Variants in UTRN observed in about 807,000 individuals in gnomAD.
UTRN encodes the protein utrophin.
A neutral mutation model predicts 463.9 loss-of-function variants in UTRN; 283 were observed. The ratio of observed to expected loss-of-function variants is 0.61; its 90% CI spans 0.55 to 0.67. The LOEUF is 0.67. UTRN is among the 30% of genes least tolerant of loss of function. The pLI is 0.00. For missense variants in UTRN, 3,922 were observed against 4,084.3 expected, an observed-to-expected ratio of 0.96 and a Z score of 1.08; for synonymous variants, 1,442 against 1,431.5, an observed-to-expected ratio of 1.01 and a Z score of -0.17.
rs530429407 is a variant in UTRN at position 144,812,237 on chromosome 6, G to A, written c.9358-8645G>A. Among the ~76,000 whole-genome samples, 22 of 152,266 alleles carry A rather than the reference G, an allele frequency of 1.4e-4. No homozygotes were observed. In the South Asian group the frequency reaches 4.3e-3, roughly 30 times the overall value. On this transcript the variant is annotated intron_variant, in intron 65 of 74. Coordinates refer to ENST00000367545, the MANE Select transcript of UTRN (RefSeq NM_007124.3). ...TTTACGGGATTTAGGTTATTTGGTA[G>A]CATTGTAAATAGCTTCCTTTCATGT... is the stretch of plus-strand genomic sequence containing the variant.
chr6:144,722,498 C>CT (rs919685055), intron 53 of UTRN, among the ~76,000 whole-genome samples: 17 of 152,056 alleles, frequency 1.1e-4, no homozygotes, highest in African/African-American at 3.9e-4. Flanking sequence ...AATTTTTGCT[C>CT]TTTTCATCAA....
chr6:144,734,698 C>T (rs1414015811), intron 54 of UTRN, among the ~76,000 whole-genome samples: 1 of 152,182 alleles, frequency 6.6e-6, no homozygotes, highest in African/African-American at 2.4e-5. Flanking sequence ...CTGGTCTAAG[C>T]CCCCACTACC....
intron 51 of UTRN, among the ~76,000 whole-genome samples, chr6:144,660,691 C>T (rs1779786627): frequency 6.6e-6 from 1 of 152,232 alleles, no homozygotes; most frequent in South Asian, 2.1e-4. Flanking sequence ...TCTGTCCAGC[C>T]ACTGCCTGCC....
Position 144,493,334 on chromosome 6 carries a change from G to A in UTRN, c.4471G>A (p.Glu1491Lys). 4.3e-6 allele frequency: 7 copies of A among 1,614,144 alleles called. No individual in the cohort carries two copies. The highest frequency in any genetic ancestry group is 5.9e-6 in the Non-Finnish European group (7 of 1,179,986). Residue 1491 changes from glutamate to lysine, a missense_variant, in exon 33 of 75, where the codon GAA becomes AAA. Glu to Lys is a moderately conservative substitution (Grantham distance 56). Around this residue, in one of 3 missense-constraint regions of UTRN, gnomAD observed 2,349 missense variants for 2,303.8 expected, o/e 1.02. Coordinates refer to ENST00000367545, the MANE Select transcript of UTRN (RefSeq NM_007124.3). The part of the protein sequence containing the change: ...LYKTLSEVKL[E>K]VETVIKTGRH... Reference sequence around the variant, plus strand: ...TAAAACTTTGAGTGAAGTCAAACTTGAAGTGGAAACTGTGATTAAAACAGG... The same window carrying A: ...TAAAACTTTGAGTGAAGTCAAACTTAAAGTGGAAACTGTGATTAAAACAGG...
intron 58 of UTRN, 137 bp from the exon 59 acceptor site, chr6:144,771,770 G>T: frequency 3.2e-6 from 2 of 621,326 alleles, no homozygotes; most frequent in East Asian, 3.1e-5. Context: ...GTTTCTGAAT[G>T]GTTGATAATG....
chr6:144,766,512 C>T (rs1259236797), intron 58 of UTRN, among the ~76,000 whole-genome samples: 1 of 151,834 alleles, frequency 6.6e-6, no homozygotes, highest in Non-Finnish European at 1.5e-5. Context: ...TACCTCCCAC[C>T]TTCTAATACA....
rs1186671723 is a variant in UTRN at position 144,851,486 on chromosome 6, T to TATC, written c.*491_*493dup. ...CACAATGTTTTGGTTATTTATAATT[T>TATC]ATCAGCCATATGTTTATCAGCCATA... On this transcript the variant is annotated 3_prime_UTR_variant, in exon 75 of 75. Transcript: ENST00000367545. The TATC allele has an allele frequency of 6.3e-6, 1 of 157,754 alleles. No individual in the cohort carries two copies. The highest frequency in any genetic ancestry group is 1.8e-4 in the East Asian group (1 of 5,442). The allele number at this position is 157,754 out of a possible 1,614,324, so 9.8% of individuals were successfully genotyped here. A position where few individuals can be genotyped will look rare whatever the true frequency, so the allele number is the denominator to read the frequency against.
At chr6:144,297,274 T>G (rs1468923365) in intron 2 of UTRN, among the ~76,000 whole-genome samples, 1 of 152,064 alleles carries the variant, frequency 6.6e-6, no homozygotes, top group Non-Finnish European at 1.5e-5. Context: ...GAAATAAAAA[T>G]AAAACAAATT....
At chr6:144,487,978 GAAC>G (rs1372131197) in intron 29 of UTRN, among the ~76,000 whole-genome samples, 1 of 152,056 alleles carries the variant, frequency 6.6e-6, no homozygotes, top group African/African-American at 2.4e-5. Context: ...CTGTATATAA[GAAC>G]AACAACTCAT....
At chr6:144,617,082 C>T (rs1806200683) in intron 51 of UTRN, among the ~76,000 whole-genome samples, 2 of 152,098 alleles carry the variant, frequency 1.3e-5, no homozygotes, top group South Asian at 4.1e-4. Context: ...TGGTTACATT[C>T]AGGGTCAATA....
chr6:144,628,016 G>A (rs927019281), intron 51 of UTRN, among the ~76,000 whole-genome samples: 8 of 152,036 alleles, frequency 5.3e-5, no homozygotes, highest in Admixed American at 2.0e-4. Context: ...GGTCAGGCTG[G>A]TCTCGAACTC....
chr6:144,773,604 A>G (rs1279743388), intron 59 of UTRN, among the ~76,000 whole-genome samples: 1 of 152,234 alleles, frequency 6.6e-6, no homozygotes, highest in Non-Finnish European at 1.5e-5. Flanking sequence ...CAAAGAAAAC[A>G]GGGAAAAGTG....
At chr6:144,836,695 A>G (rs1199080245) in intron 71 of UTRN, 154 bp downstream of exon 71, 4 of 1,174,416 alleles carry the variant, frequency 3.4e-6, no homozygotes, top group Non-Finnish European at 4.6e-6. Context: ...TTCCTTTTAC[A>G]TGTAAGCATA....
intron 2 of UTRN, among the ~76,000 whole-genome samples, chr6:144,301,617 C>G (rs1213614387): frequency 6.7e-6 from 1 of 150,248 alleles, no homozygotes; most frequent in Non-Finnish European, 1.5e-5. Flanking sequence ...AATTTCAGCC[C>G]TCCGCCTCCC....
intron 2 of UTRN, among the ~76,000 whole-genome samples, chr6:144,390,999 TAACAATTAGTCATTTA>T (rs797019057): frequency 8.7e-5 from 1 of 11,482 alleles, no homozygotes; most frequent in Non-Finnish European, 1.5e-4. Context: ...TTATATTTAA[TAACAATTAGTCATTTA>T]GACTAGAAAA....
chr6:144,472,629 C>T (rs1191529186), intron 23 of UTRN, among the ~76,000 whole-genome samples: 1 of 152,024 alleles, frequency 6.6e-6, no homozygotes, highest in Non-Finnish European at 1.5e-5. Flanking sequence ...ATATCATGTC[C>T]TACAGACATC....
At chr6:144,535,971 G>A (rs540587045) in intron 43 of UTRN, among the ~76,000 whole-genome samples, 157 of 152,228 alleles carry the variant, frequency 1.0e-3, no homozygotes, top group African/African-American at 3.8e-3. Flanking sequence ...GTAAAAATAA[G>A]GTCTTGCCAT....
intron 2 of UTRN, among the ~76,000 whole-genome samples, chr6:144,389,562 G>C (rs1196327327): frequency 1.3e-5 from 2 of 151,286 alleles, no homozygotes; most frequent in African/African-American, 4.9e-5. Flanking sequence ...ACCAAAGTCT[G>C]AGAAGTTTTT....
At chr6:144,295,174 G>A (rs1244517309) in intron 2 of UTRN, among the ~76,000 whole-genome samples, 1 of 152,246 alleles carries the variant, frequency 6.6e-6, no homozygotes, top group Non-Finnish European at 1.5e-5. Flanking sequence ...ATTGCCAGTA[G>A]AGTGTGTGAT....
Sources: allele counts gnomAD v4.1 joint callset (sites outside exome capture counted in the v4.1 genomes callset), GRCh38; gene constraint gnomAD v4.1.1; regional missense constraint gnomAD v4.1.1; transcripts MANE v1.5; gene names NCBI Gene and HGNC (gene_info 2026-07-23, HGNC 2026-07-21).